USP7: variants seen among roughly 807,000 people sequenced by gnomAD.
USP7 encodes ubiquitin C-terminal hydrolase 7.
A neutral mutation model predicts 162.9 loss-of-function variants in USP7; 9 were observed. That is an observed-to-expected ratio of 0.06 (90% CI 0.03 to 0.10). The LOEUF (loss-of-function observed/expected upper bound fraction) is 0.10, where lower values mean the gene tolerates loss of function less well. USP7 is among the 10% of genes least tolerant of loss of function. USP7 has a pLI of 1.00. For synonymous variants in USP7, 562 were observed against 475.9 expected (o/e 1.18, Z -2.35); for missense variants, 715 against 1,373.7 (o/e 0.52, Z 7.58).
chr16:8,921,126 A>G (rs1441978156), intron 4 of USP7, 31 bp downstream of exon 4: 1 of 1,609,208 alleles, frequency 6.2e-7, no homozygotes, highest in East Asian at 2.2e-5. Flanking sequence ...GTAATGCACC[A>G]ATTGTTCAGA....
At chr16:8,927,459 T>A (rs1257111264) in intron 2 of USP7, among the ~76,000 whole-genome samples, 1 of 152,312 alleles carries the variant, frequency 6.6e-6, no homozygotes, top group African/African-American at 2.4e-5. Context: ...ATACAACTTC[T>A]TGCAAGTCCT....
intron 30 of USP7, among the ~76,000 whole-genome samples, 171 bp downstream of exon 30, chr16:8,894,376 AAGG>A: frequency 6.6e-6 from 1 of 152,290 alleles, no homozygotes. Flanking sequence ...CAAAGGATGT[AAGG>A]ACCTGTTAAG....
chr16:8,903,185 G>GGCAATCAGTATTTTCTAGTGACAC, intron 16 of USP7, 83 bp downstream of exon 16: 2 of 1,536,904 alleles, frequency 1.3e-6, no homozygotes, highest in Non-Finnish European at 1.8e-6. Context: ...TACCCCCAAA[G>GGCAATCAGTATTTTCTAGTGACAC]GCAATCAGTA....
In USP7 at chr16:8,928,003, G is replaced by A. The variant is rs78398661; in HGVS notation, c.184+2290C>T. On this transcript the variant is annotated intron_variant, in intron 2 of 30. Transcript: ENST00000344836. ...CTACAAACAATTAGCCACACATGGC[G>A]GTACTTCCTTGGTCATCTCATGAAA... 9.0e-3 allele frequency among the ~76,000 whole-genome samples: 1,373 copies of A among 152,262 alleles called. 14 individuals are homozygous for A. The highest frequency in any genetic ancestry group is 0.03 in the African/African-American group (1,263 of 41,542).
At chr16:8,953,481 C>T (rs1264744514) in intron 1 of USP7, among the ~76,000 whole-genome samples, 1 of 152,156 alleles carries the variant, frequency 6.6e-6, no homozygotes, top group African/African-American at 2.4e-5. Context: ...CAGTAAGAAA[C>T]GGGGGTTGGG....
rs758010381 is a variant in USP7, at chr16:8,920,424, T to C, written c.546A>G (p.Gly182=). The change falls in exon 5 of 31, where the codon GGA becomes GGG. Residue 182 remains glycine (G), a synonymous_variant. Coordinates refer to ENST00000344836, the MANE Select transcript of USP7 (RefSeq NM_003470.3). ...AGGTAACTTTGTCATCATCTATAAATCCTTTCTCAGGATCGGTCACTTCCT... is the reference window on the plus strand; with the variant it reads ...AGGTAACTTTGTCATCATCTATAAACCCTTTCTCAGGATCGGTCACTTCCT... ...AWSEVTDPEK[G]FIDDDKVTFE... 4 of 1,613,552 alleles carry C rather than the reference T, an allele frequency of 2.5e-6. No individual in the cohort carries two copies.
In USP7 at chr16:8,963,642, CCGGGGGCGGAGGGCGGCCGGT is replaced by C. The variant is rs1900113780; in HGVS notation, c.-378_-358del. ...CCGGGGCTGCGGGGCCGCGGGCCGG[CCGGGGGCGGAGGGCGGCCGGT>C]CGGGGGCCGCGGAGTCAGCCCCGCC... On this transcript the variant is annotated 5_prime_UTR_variant, in exon 1 of 31. Coordinates refer to ENST00000344836, the MANE Select transcript of USP7 (RefSeq NM_003470.3). Among the ~76,000 whole-genome samples, 3 of 143,290 alleles carry C rather than the reference CCGGGGGCGGAGGGCGGCCGGT, an allele frequency of 2.1e-5. No homozygotes were observed. Among genetic ancestry groups the C allele is most frequent in the Admixed American group, 1.4e-4 (2 of 14,574 alleles). The allele number at this position is 143,290 out of a possible 152,430, so 94.0% of individuals were successfully genotyped here. A position where few individuals can be genotyped will look rare whatever the true frequency, so the allele number is the denominator to read the frequency against.
At chr16:8,957,776 A>C (rs1042851070) in intron 1 of USP7, among the ~76,000 whole-genome samples, 10 of 151,594 alleles carry the variant, frequency 6.6e-5, no homozygotes, top group African/African-American at 2.2e-4. Flanking sequence ...AAAAAAAACA[A>C]AAAAAAATTA....
intron 10 of USP7, among the ~76,000 whole-genome samples, chr16:8,913,771 G>C (rs1178777252): frequency 6.6e-6 from 1 of 151,934 alleles, no homozygotes; most frequent in African/African-American, 2.4e-5. Context: ...ACTTTCTTGA[G>C]AGAGATACTT....
chr16:8,899,349 A>C, intron 22 of USP7, 161 bp from the exon 23 acceptor site: 2 of 761,334 alleles, frequency 2.6e-6, no homozygotes, highest in South Asian at 1.9e-5. Flanking sequence ...ATGAATCACC[A>C]TGGGAGTAGC....
chr16:8,951,982 G>C (rs1041807974), intron 1 of USP7, among the ~76,000 whole-genome samples: 2 of 152,228 alleles, frequency 1.3e-5, no homozygotes, highest in Non-Finnish European at 2.9e-5. Context: ...ACACCACAAC[G>C]TTCAGACTGG....
chr16:8,960,312 G>A (rs147036040), intron 1 of USP7, among the ~76,000 whole-genome samples: 2 of 152,166 alleles, frequency 1.3e-5, no homozygotes, highest in Admixed American at 6.5e-5. Flanking sequence ...TTCCCTCTCC[G>A]CACTTCACCC....
rs765676424 is a variant in USP7 at position 8,895,638 on chromosome 16, A to T, written c.2919+4T>A. On this transcript the variant is annotated splice_donor_region_variant and intron_variant, in intron 27 of 30. Transcript: ENST00000344836. ...CTGGTGCCAACAGTATCGGGGACAG[A>T]TACCTCTATTCGAAACGTCCGGCTC... The T allele has an allele frequency of 1.9e-6, 3 of 1,609,864 alleles. No homozygotes were observed. Among genetic ancestry groups the T allele is most frequent in the Non-Finnish European group, 2.5e-6 (3 of 1,177,702 alleles).
intron 1 of USP7, among the ~76,000 whole-genome samples, chr16:8,960,079 G>A (rs903492503): frequency 6.6e-6 from 1 of 152,232 alleles, no homozygotes; most frequent in African/African-American, 2.4e-5. Context: ...TCAGAGGGCA[G>A]AGACCCATGC....
At chr16:8,944,040 C>T (rs1386252905) in intron 1 of USP7, among the ~76,000 whole-genome samples, 1 of 151,906 alleles carries the variant, frequency 6.6e-6, no homozygotes, top group Non-Finnish European at 1.5e-5. Context: ...GGGAGACCCC[C>T]GTCTCTGAAA....
intron 1 of USP7, among the ~76,000 whole-genome samples, chr16:8,949,393 G>T (rs1213281244): frequency 6.6e-6 from 1 of 152,188 alleles, no homozygotes; most frequent in Non-Finnish European, 1.5e-5. Flanking sequence ...CATTGAAAAT[G>T]CCTGGGGCAC....
chr16:8,935,137 C>A (rs1033019407), intron 1 of USP7, among the ~76,000 whole-genome samples: 2 of 151,960 alleles, frequency 1.3e-5, no homozygotes, highest in Admixed American at 1.3e-4. Context: ...TTTTATATGC[C>A]ACCTTTTCGG....
chr16:8,956,170 CAA>C (rs888371533), intron 1 of USP7: 1 of 152,082 alleles, frequency 6.6e-6, no homozygotes, highest in Admixed American at 6.5e-5. Context: ...GGCATGTAAT[CAA>C]AAAAGAGGGG....
At chr16:8,921,075 A>G (rs1897667431) in intron 4 of USP7, 82 bp downstream of exon 4, 1 of 1,458,814 alleles carries the variant, frequency 6.9e-7, no homozygotes, top group South Asian at 1.3e-5. Flanking sequence ...TAAAATCAAT[A>G]AAGGACTTGA....
Sources: gnomAD v4.1 joint callset for allele counts (sites outside exome capture counted in the v4.1 genomes callset) on GRCh38, gnomAD v4.1.1 for gene constraint, MANE v1.5 for transcripts, NCBI Gene and HGNC (gene_info 2026-07-23, HGNC 2026-07-21) for gene names.